Variants in AFF2 observed in about 807,000 individuals in gnomAD.
AFF2 encodes the protein AF4/FMR2 family member 2.
A neutral mutation model predicts 76.9 loss-of-function variants in AFF2; 14 were observed. The ratio of observed to expected loss-of-function variants is 0.18; its 90% CI spans 0.12 to 0.28. AFF2 has a LOEUF of 0.28. Among genes scored for constraint, AFF2 ranks in the 10% least tolerant of loss-of-function variants. The probability of loss-of-function intolerance (pLI) is 1.00; values close to 1 mark genes in which losing one functional copy is unlikely to be tolerated. For synonymous variants in AFF2, 398 were observed against 366.7 expected, an observed-to-expected ratio of 1.09 and a Z score of -0.98; for missense variants, 868 against 1,001.1, an observed-to-expected ratio of 0.87 and a Z score of 1.79.
chrX:148,845,120 TACAC>T (rs1463131629), intron 7 of AFF2, among the ~76,000 whole-genome samples: 6 of 39,486 alleles, frequency 1.5e-4, no homozygotes, highest in Admixed American at 8.4e-4. Flanking sequence ...CACATACACA[TACAC>T]ACACACACAC....
chrX:148,576,793 A>ATGTG (rs60411417), intron 1 of AFF2, among the ~76,000 whole-genome samples: 6,860 of 103,404 alleles, frequency 0.066, 531 homozygotes, highest in African/African-American at 0.22. Flanking sequence ...GTGTGTGTGT[A>ATGTG]TGTGTGTGTG....
intron 2 of AFF2, among the ~76,000 whole-genome samples, chrX:148,655,403 G>C (rs1569552656): frequency 9.2e-6 from 1 of 108,708 alleles, no homozygotes; most frequent in Non-Finnish European, 1.9e-5. Flanking sequence ...AGCCTCCCAA[G>C]TATCTGGAAT....
chrX:148,801,915 G>A (rs2070064454), intron 3 of AFF2, among the ~76,000 whole-genome samples: 2 of 111,289 alleles, frequency 1.8e-5, no homozygotes, highest in African/African-American at 3.3e-5. Flanking sequence ...CCATGCTGCT[G>A]AAACAGCTAT....
chrX:148,551,482 G>GAAAAAAAAAAAAAAAAAAA (rs781883999), intron 1 of AFF2, among the ~76,000 whole-genome samples: 1 of 37,999 alleles, frequency 2.6e-5, no homozygotes, highest in African/African-American at 9.5e-5. Context: ...GCTGGGAAGT[G>GAAAAAAAAAAAAAAAAAAA]AAAAAAAAAA....
intron 9 of AFF2, among the ~76,000 whole-genome samples, chrX:148,945,029 C>T (rs1389088086): frequency 9.0e-6 from 1 of 111,076 alleles, no homozygotes; most frequent in Non-Finnish European, 1.9e-5. Flanking sequence ...TAGCCCAGTT[C>T]CTGGCATATA....
intron 1 of AFF2, among the ~76,000 whole-genome samples, chrX:148,568,836 G>A (rs1557242102): frequency 9.0e-6 from 1 of 111,622 alleles, no homozygotes; most frequent in Non-Finnish European, 1.9e-5. Context: ...AACTTCCTCA[G>A]ATCTAAAATA....
chrX:148,780,429 G>C (rs1262460769), intron 3 of AFF2, among the ~76,000 whole-genome samples: 4 of 111,444 alleles, frequency 3.6e-5, no homozygotes, highest in African/African-American at 1.3e-4. Flanking sequence ...CATATTTCTT[G>C]GAGGCTTTGT....
chrX:148,557,174 T>A (rs1244123546), intron 1 of AFF2, among the ~76,000 whole-genome samples: 1 of 111,771 alleles, frequency 8.9e-6, no homozygotes, highest in Non-Finnish European at 1.9e-5. Flanking sequence ...TTGAGGGTAG[T>A]GTATAGTTTC....
At chrX:148,542,680 C>G (rs2052872925) in intron 1 of AFF2, among the ~76,000 whole-genome samples, 1 of 111,687 alleles carries the variant, frequency 9.0e-6, no homozygotes, top group African/African-American at 3.3e-5. Flanking sequence ...CAGGGGAAGG[C>G]AGTCACAGCA....
chrX:148,649,079 G>A (rs2054176032), intron 1 of AFF2, among the ~76,000 whole-genome samples: 2 of 111,499 alleles, frequency 1.8e-5, no homozygotes, highest in South Asian at 7.6e-4. Flanking sequence ...TTTTTCCTTT[G>A]GAAAGCAGGC....
At chrX:148,728,542 C>T in intron 3 of AFF2, among the ~76,000 whole-genome samples, 1 of 112,549 alleles carries the variant, frequency 8.9e-6, no homozygotes, top group Admixed American at 9.4e-5. Context: ...CCTTAAAAGT[C>T]ACCAGAGGAC....
At position 148,610,724 on chromosome X, in the gene AFF2, G is replaced by A. The variant is rs374886079; in HGVS notation, c.48-41275G>A. Among the ~76,000 whole-genome samples, 6 of 111,587 alleles carry A rather than the reference G, an allele frequency of 5.4e-5. No homozygotes were observed. In the South Asian group the frequency reaches 1.9e-3, roughly 35 times the overall value. On this transcript the variant is annotated intron_variant, in intron 1 of 20. Coordinates refer to ENST00000370460, the MANE Select transcript of AFF2 (RefSeq NM_002025.4). ...AGTTGTGGGGGTTGGTGATCAGGCC[G>A]CTGCTACAATCTGGCATTTGGGAAA...
chrX:148,884,956 C>A, intron 7 of AFF2, among the ~76,000 whole-genome samples: 2 of 111,767 alleles, frequency 1.8e-5, no homozygotes. Flanking sequence ...GCAATATATG[C>A]ATAGGAAATG....
At chrX:148,843,898 A>G (rs1215413749) in intron 7 of AFF2, among the ~76,000 whole-genome samples, 1 of 111,141 alleles carries the variant, frequency 9.0e-6, no homozygotes, top group African/African-American at 3.3e-5. Context: ...TCCTAATACT[A>G]TCACCTTGGG....
intron 1 of AFF2, among the ~76,000 whole-genome samples, chrX:148,584,313 A>G (rs2053444591): frequency 9.0e-6 from 1 of 111,581 alleles, no homozygotes; most frequent in Non-Finnish European, 1.9e-5. Context: ...AAGTCATTTT[A>G]TTTTCTGTTT....
At chrX:148,933,440 T>C (rs1482324180) in intron 9 of AFF2, among the ~76,000 whole-genome samples, 2 of 111,307 alleles carry the variant, frequency 1.8e-5, no homozygotes, top group Non-Finnish European at 3.8e-5. Flanking sequence ...GATCACACTA[T>C]ACCTATTGTC....
intron 9 of AFF2, among the ~76,000 whole-genome samples, chrX:148,940,737 G>C (rs931060543): frequency 4.5e-5 from 5 of 111,658 alleles, no homozygotes; most frequent in Non-Finnish European, 9.4e-5. Flanking sequence ...TCAGTGTTGA[G>C]TAAGGCTGCC....
intron 9 of AFF2, among the ~76,000 whole-genome samples, chrX:148,944,515 C>T (rs2071876982): frequency 9.8e-6 from 1 of 102,251 alleles, no homozygotes; most frequent in African/African-American, 3.4e-5. Flanking sequence ...TAAAAATGGG[C>T]TTTAAAGGCA....
chrX:148,921,210 G>A (rs929519599), intron 9 of AFF2, among the ~76,000 whole-genome samples: 6 of 112,192 alleles, frequency 5.3e-5, no homozygotes, highest in Admixed American at 2.8e-4. Flanking sequence ...CCCCATGGTA[G>A]ACATATAAAG....
Sources: gnomAD v4.1 joint callset for allele counts (sites outside exome capture counted in the v4.1 genomes callset) on GRCh38, gnomAD v4.1.1 for gene constraint, MANE v1.5 for transcripts, NCBI Gene and HGNC (gene_info 2026-07-23, HGNC 2026-07-21) for gene names.